Variants in OR3A2 observed in about 807,000 individuals in gnomAD.
OR3A2 encodes the protein olfactory receptor 3A2.
For missense variants in OR3A2, 318 were observed against 392.8 expected (o/e 0.81, Z 1.61); for synonymous variants, 126 against 159.3 (o/e 0.79, Z 1.57).
rs370015626 is a variant in OR3A2, at chr17:3,298,853, C to A, written c.-84-19700G>T. On this transcript the variant is annotated intron_variant, in intron 3 of 4. Coordinates refer to the OR3A2 transcript ENST00000573491. ...AAAACGAGTGAGCCAGAAATGAGAT[C>A]ATCCAGTCATCTATCCACTGCCGTG... is the stretch of plus-strand genomic sequence containing the variant. Among the ~76,000 whole-genome samples the A allele has an allele frequency of 2.6e-4, 40 of 152,296 alleles. 1 individual carries two copies. The East Asian group carries it at 4.1e-3, about 15-fold the overall frequency.
chr17:3,289,263 G>A (rs1458607321), upstream of OR3A2, among the ~76,000 whole-genome samples: 2 of 152,204 alleles, frequency 1.3e-5, no homozygotes, highest in African/African-American at 2.4e-5. Flanking sequence ...ATGGATAATA[G>A]AATTTTTAAG....
At chr17:3,285,717 G>A (rs1012046986), upstream of OR3A2, among the ~76,000 whole-genome samples, 2 of 152,212 alleles carry the variant, frequency 1.3e-5, no homozygotes, top group Non-Finnish European at 2.9e-5. Context: ...GAGCCCAGGA[G>A]GTGGAGGCTG....
Position 3,291,846 on chromosome 17 carries a change from G to T in OR3A2, c.-84-12693C>A, listed in dbSNP as rs769108851. On this transcript the variant is annotated intron_variant, in intron 3 of 4. Coordinates refer to the OR3A2 transcript ENST00000573491. ...GAATATGGCAACCACAGTGAGGTGG[G>T]AGCCACATGTGGAGAAGGCTTTCTT... The T allele has an allele frequency of 2.5e-6, 4 of 1,614,060 alleles. No homozygotes were observed. The South Asian group carries it at 4.4e-5, about 18-fold the overall frequency.
intron 3 of OR3A2, among the ~76,000 whole-genome samples, chr17:3,333,067 G>A (rs1402311919): frequency 2.0e-5 from 3 of 152,170 alleles, no homozygotes; most frequent in Admixed American, 6.5e-5. Context: ...ATAAATGGAC[G>A]TGCAAGTAGG....
intron 2 of OR3A2, among the ~76,000 whole-genome samples, chr17:3,366,997 T>A (rs2049570037): frequency 6.6e-6 from 1 of 152,210 alleles, no homozygotes; most frequent in Non-Finnish European, 1.5e-5. Flanking sequence ...TGTAGGCTAA[T>A]CAGCCTCTGC....
At chr17:3,359,452 T>C (rs1254413304) in intron 2 of OR3A2, among the ~76,000 whole-genome samples, 1 of 151,758 alleles carries the variant, frequency 6.6e-6, no homozygotes, top group Non-Finnish European at 1.5e-5. Context: ...TCAAGATCTC[T>C]TGTAAGGCAG....
intron 3 of OR3A2, among the ~76,000 whole-genome samples, chr17:3,307,850 C>G (rs1000955138): frequency 2.0e-5 from 3 of 152,158 alleles, no homozygotes; most frequent in African/African-American, 7.2e-5. Context: ...CAGCCCCATG[C>G]TGCAGGCCAG....
At chr17:3,303,385 C>A (rs1450571630) in intron 3 of OR3A2, among the ~76,000 whole-genome samples, 1 of 152,034 alleles carries the variant, frequency 6.6e-6, no homozygotes, top group African/African-American at 2.4e-5. Flanking sequence ...AGTGAAAAGG[C>A]AAGCTACAAA....
intron 2 of OR3A2, among the ~76,000 whole-genome samples, chr17:3,341,170 G>C (rs2049314806): frequency 6.6e-6 from 1 of 152,176 alleles, no homozygotes; most frequent in African/African-American, 2.4e-5. Context: ...CTCTGCCCAT[G>C]AGATGGGTCA....
chr17:3,286,077 C>A (rs1350400271), upstream of OR3A2, among the ~76,000 whole-genome samples: 1 of 152,118 alleles, frequency 6.6e-6, no homozygotes, highest in African/African-American at 2.4e-5. Flanking sequence ...CCCCCCACCC[C>A]CCAAGAGGCC....
chr17:3,315,752 G>T (rs58096817), intron 3 of OR3A2, among the ~76,000 whole-genome samples: 3 of 35,060 alleles, frequency 8.6e-5, no homozygotes, highest in Non-Finnish European at 1.3e-4. Context: ...GTGAAAATAT[G>T]GGGGGGGGGG....
At chr17:3,382,178 G>A (rs2049741824) in intron 2 of OR3A2, among the ~76,000 whole-genome samples, 1 of 152,134 alleles carries the variant, frequency 6.6e-6, no homozygotes, top group Non-Finnish European at 1.5e-5. Context: ...GTGAGAAGGA[G>A]GGGGCCATGC....
chr17:3,349,928 G>A (rs1762356366), intron 2 of OR3A2, among the ~76,000 whole-genome samples: 2 of 151,948 alleles, frequency 1.3e-5, no homozygotes, highest in Admixed American at 6.6e-5. Flanking sequence ...GCTCCTGAAT[G>A]ACTACTGGGT....
intron 2 of OR3A2, among the ~76,000 whole-genome samples, chr17:3,364,926 A>G (rs2150661249): frequency 6.6e-6 from 1 of 152,312 alleles, no homozygotes; most frequent in African/African-American, 2.4e-5. Flanking sequence ...TAAAAAAAAA[A>G]AAGCAATTAA....
intron 2 of OR3A2, among the ~76,000 whole-genome samples, chr17:3,366,695 G>A (rs190622218): frequency 2.0e-5 from 3 of 152,258 alleles, no homozygotes; most frequent in Admixed American, 2.0e-4. Flanking sequence ...AAACATTCAT[G>A]GCAGATATTC....
intron 2 of OR3A2, among the ~76,000 whole-genome samples, chr17:3,362,498 C>T (rs897674933): frequency 6.6e-6 from 1 of 151,568 alleles, no homozygotes; most frequent in Admixed American, 6.6e-5. Context: ...TAGTTCTTTT[C>T]ATTGTGATGT....
At chr17:3,349,926 A>G (rs1051870015) in intron 2 of OR3A2, among the ~76,000 whole-genome samples, 1 of 151,994 alleles carries the variant, frequency 6.6e-6, no homozygotes, top group African/African-American at 2.4e-5. Context: ...CTGCTCCTGA[A>G]TGACTACTGG....
chr17:3,310,838 G>T (rs200473334), intron 3 of OR3A2: 64 of 1,030,438 alleles, frequency 6.2e-5, no homozygotes, highest in Middle Eastern at 2.4e-4. Context: ...GCCCCAATGT[G>T]ATCAATCACT....
chr17:3,376,934 G>C (rs1326822424), intron 2 of OR3A2, among the ~76,000 whole-genome samples: 1 of 152,126 alleles, frequency 6.6e-6, no homozygotes, highest in East Asian at 1.9e-4. Flanking sequence ...TTTATATTTT[G>C]CTCGGTTCCT....
Sources: gnomAD v4.1 joint callset for allele counts (sites outside exome capture counted in the v4.1 genomes callset) on GRCh38, gnomAD v4.1.1 for gene constraint, MANE v1.5 for transcripts, NCBI Gene and HGNC (gene_info 2026-07-23, HGNC 2026-07-21) for gene names.